SMYD1: variants seen among roughly 807,000 people sequenced by gnomAD.
SMYD1 encodes the protein histone-lysine N-methyltransferase SMYD1.
SMYD1 carries 49 observed loss-of-function variants against 54.0 expected under a neutral mutation model. The ratio of observed to expected loss-of-function variants is 0.91; its 90% CI spans 0.72 to 1.15. The LOEUF is 1.15. SMYD1 is among the 50% of genes most tolerant of loss of function. The probability of loss-of-function intolerance (pLI) is 0.00; values close to 1 mark genes in which losing one functional copy is unlikely to be tolerated. For synonymous variants in SMYD1, 269 were observed against 234.2 expected, an observed-to-expected ratio of 1.15 and a Z score of -1.36; for missense variants, 653 against 639.6, an observed-to-expected ratio of 1.02 and a Z score of -0.23.
intron 7 of SMYD1, among the ~76,000 whole-genome samples, chr2:88,103,385 G>A (rs1674772532): frequency 6.6e-6 from 1 of 152,126 alleles, no homozygotes; most frequent in Admixed American, 6.5e-5. Context: ...GGGTCTGAGG[G>A]GAGCAAATGC....
intron 6 of SMYD1, among the ~76,000 whole-genome samples, chr2:88,097,076 C>T (rs992361152): frequency 1.3e-5 from 2 of 152,116 alleles, no homozygotes; most frequent in South Asian, 2.1e-4. Context: ...AAGGAGATGA[C>T]GTGTGTAAAA....
chr2:88,088,629 A>C (rs1674394764), intron 3 of SMYD1, among the ~76,000 whole-genome samples: 1 of 152,052 alleles, frequency 6.6e-6, no homozygotes, highest in Admixed American at 6.5e-5. Flanking sequence ...TTGGATGGTA[A>C]TTTATCCTCT....
chr2:88,079,246 G>T (rs2099825), intron 1 of SMYD1, among the ~76,000 whole-genome samples: 29,619 of 152,136 alleles, frequency 0.19, 3,576 homozygotes, highest in Non-Finnish European at 0.27. Context: ...GGTCACAGTG[G>T]TTATTAGTGA....
At chr2:88,110,244 G>C in intron 9 of SMYD1, 110 bp from the exon 10 acceptor site, 3 of 836,014 alleles carry the variant, frequency 3.6e-6, no homozygotes, top group Non-Finnish European at 5.3e-6. Context: ...TATTCTGAGG[G>C]GGTAGAGTTG....
chr2:88,087,909 T>C lies in SMYD1; in HGVS notation c.362T>C (p.Leu121Pro). 1 of 1,611,234 alleles carries C rather than the reference T, an allele frequency of 6.2e-7. No homozygotes were observed. ...MWRVEREGTG[L>P]TEGCLVSVDD... is the part of the protein sequence containing the mutation. The stretch of plus-strand genomic sequence containing the variant: ...CGGGTGGAGAGAGAAGGCACCGGGC[T>C]CACGGAGGGCTGCCTGGTGTCCGTG... The change falls in exon 3 of 10, where the codon CTC becomes CCC. Residue 121 changes from leucine (L) to proline (P), a missense_variant. Leu to Pro is a moderately conservative substitution (Grantham distance 98, BLOSUM62 -3). Transcript: ENST00000419482.
chr2:88,087,530 C>T (rs1674359002), intron 2 of SMYD1, among the ~76,000 whole-genome samples: 1 of 152,210 alleles, frequency 6.6e-6, no homozygotes. Flanking sequence ...TCCAGTATCA[C>T]AGAGCCAGCT....
chr2:88,087,850 C>CCGACGACAA lies in SMYD1; in HGVS notation c.315-11_315-10insGACGACAAC. 1 of 1,557,188 alleles carries CCGACGACAA rather than the reference C, an allele frequency of 6.4e-7. No homozygotes were observed. Among genetic ancestry groups the CCGACGACAA allele is most frequent in the Non-Finnish European group, 8.7e-7 (1 of 1,151,134 alleles). The stretch of plus-strand genomic sequence containing the variant: ...CAGCTGTAGTGGCCTCCTGACGCTG[C>CCGACGACAA]CCTTCCCACAGGCTGGCGGCGCGCA... On this transcript the variant is annotated splice_polypyrimidine_tract_variant and intron_variant, in intron 2 of 9. Transcript: ENST00000419482.
At chr2:88,087,834 T>C (rs1334940881) in intron 2 of SMYD1, 28 bp from the exon 3 acceptor site, 2 of 1,520,816 alleles carry the variant, frequency 1.3e-6, no homozygotes, top group East Asian at 2.4e-5. Context: ...GCAGCTGTAG[T>C]GGCCTCCTGA....
rs1387544940 is a variant in SMYD1, at chr2:88,111,933, G to A, written c.*1421G>A. 5 of 644,098 alleles carry A rather than the reference G, an allele frequency of 7.8e-6. No homozygotes were observed. The highest frequency in any genetic ancestry group is 6.6e-5 in the Admixed American group (3 of 45,484). 39.9% of individuals were successfully genotyped at this position (644,098 alleles called of 1,614,324 possible). On this transcript the variant is annotated 3_prime_UTR_variant, in exon 10 of 10. Coordinates refer to ENST00000419482, the MANE Select transcript of SMYD1 (RefSeq NM_198274.4). ...GTAAATTGATCCCACCAGGTCCCAC[G>A]TTTGTTATCTCTGCCTAAATGTTAG...
At chr2:88,093,431 C>T in intron 4 of SMYD1, 86 bp from the exon 5 acceptor site, 1 of 1,504,520 alleles carries the variant, frequency 6.6e-7, no homozygotes, top group Non-Finnish European at 9.3e-7. Flanking sequence ...ATACTGTGAC[C>T]CAGAATGCTG....
chr2:88,096,465 T>C (rs1573115502), intron 5 of SMYD1, 130 bp from the exon 6 acceptor site: 1 of 777,996 alleles, frequency 1.3e-6, no homozygotes, highest in East Asian at 2.5e-5. Flanking sequence ...TTTTGTGGGG[T>C]CAATGGGAGT....
At chr2:88,093,654 T>A (rs1175630003) in intron 5 of SMYD1, 99 bp downstream of exon 5, 9 of 1,337,626 alleles carry the variant, frequency 6.7e-6, no homozygotes, top group Non-Finnish European at 9.7e-6. Context: ...TTGGCTGCCA[T>A]CTGTCCATAA....
At chr2:88,087,415 C>T (rs918173841) in intron 2 of SMYD1, among the ~76,000 whole-genome samples, 1 of 152,144 alleles carries the variant, frequency 6.6e-6, no homozygotes, top group Non-Finnish European at 1.5e-5. Flanking sequence ...TTTCTTGCTC[C>T]CTGTGCTCCA....
In SMYD1 at chr2:88,079,266, CA is replaced by C. The variant is rs563778218; in HGVS notation, c.138-5049del. On this transcript the variant is annotated intron_variant, in intron 1 of 9. Transcript: ENST00000419482. ...CAGTGGTTATTAGTGACTTTGAGAACATGAGGGTCATGCCACTGGAATTTAT... is the reference window on the plus strand; with the variant it reads ...CAGTGGTTATTAGTGACTTTGAGAACTGAGGGTCATGCCACTGGAATTTAT... Among the ~76,000 whole-genome samples the C allele has an allele frequency of 9.7e-4, 148 of 152,284 alleles. 1 individual carries two copies. Among genetic ancestry groups the C allele is most frequent in the Non-Finnish European group, 1.6e-3 (112 of 68,022 alleles).
chr2:88,068,417 T>C (rs1673877743), intron 1 of SMYD1, among the ~76,000 whole-genome samples: 1 of 152,184 alleles, frequency 6.6e-6, no homozygotes, highest in Non-Finnish European at 1.5e-5. Flanking sequence ...GAACTATTTG[T>C]ATATTTATAA....
At chr2:88,070,205 C>G (rs1475800911) in intron 1 of SMYD1, among the ~76,000 whole-genome samples, 1 of 151,934 alleles carries the variant, frequency 6.6e-6, no homozygotes, top group Non-Finnish European at 1.5e-5. Context: ...CCAGAGACAG[C>G]CCAAAGAGGC....
intron 1 of SMYD1, among the ~76,000 whole-genome samples, chr2:88,083,830 C>T (rs900577319): frequency 4.6e-5 from 7 of 152,220 alleles, no homozygotes; most frequent in African/African-American, 1.7e-4. Flanking sequence ...GGCGCGGTGG[C>T]TCATGCCTGT....
At chr2:88,085,416 T>C (rs1023560830) in intron 2 of SMYD1, among the ~76,000 whole-genome samples, 35 of 152,130 alleles carry the variant, frequency 2.3e-4, no homozygotes, top group Non-Finnish European at 4.9e-4. Context: ...AGGGAGATGC[T>C]CAGGAAGCCA....
intron 4 of SMYD1, 52 bp from the exon 5 acceptor site, chr2:88,093,465 C>T: frequency 6.2e-7 from 1 of 1,607,962 alleles, no homozygotes; most frequent in Non-Finnish European, 8.5e-7. Flanking sequence ...TGGATCACAC[C>T]TGATCAGCCA....
Sources: allele counts gnomAD v4.1 joint callset (sites outside exome capture counted in the v4.1 genomes callset), GRCh38; gene constraint gnomAD v4.1.1; transcripts MANE v1.5; gene names NCBI Gene and HGNC (gene_info 2026-07-23, HGNC 2026-07-21).